The following COL19A1 variants were observed in gnomAD, a reference collection of about 807,000 sequenced individuals.
COL19A1 encodes collagen type XIX alpha 1 chain, also known as collagen alpha-1(XIX) chain.
Under a neutral mutation model 190.2 loss-of-function variants are expected in COL19A1, and 159 were observed. The observed-to-expected ratio is 0.84, with a 90% CI of 0.73 to 0.95. The LOEUF is 0.95. Ranked by LOEUF, COL19A1 falls within the 40% of genes least tolerant of loss-of-function variation. The probability of loss-of-function intolerance (pLI) is 0.00; values close to 1 mark genes in which losing one functional copy is unlikely to be tolerated. For missense variants in COL19A1, 1,418 were observed against 1,431.9 expected (o/e 0.99, Z 0.16); for synonymous variants, 509 against 458.9 (o/e 1.11, Z -1.39).
At chr6:69,903,451 T>C (rs562043960) in intron 4 of COL19A1, among the ~76,000 whole-genome samples, 5 of 152,274 alleles carry the variant, frequency 3.3e-5, no homozygotes, top group African/African-American at 1.2e-4. Context: ...GCACCTTCCC[T>C]ATCCAGGGGG....
intron 40 of COL19A1, 109 bp from the exon 41 acceptor site, chr6:70,171,855 A>G (rs1765520506): frequency 1.2e-6 from 1 of 840,368 alleles, no homozygotes; most frequent in Non-Finnish European, 2.0e-6. Flanking sequence ...TAAATTACAC[A>G]TCAATGTTTG....
intron 14 of COL19A1, 111 bp from the exon 15 acceptor site, chr6:70,068,312 A>C: frequency 1.3e-6 from 1 of 764,454 alleles, no homozygotes; most frequent in Non-Finnish European, 2.3e-6. Flanking sequence ...AGCTCAAATT[A>C]CTTTAAAAGT....
chr6:70,116,212 A>C (rs891609813), intron 16 of COL19A1, among the ~76,000 whole-genome samples: 1 of 152,154 alleles, frequency 6.6e-6, no homozygotes, highest in African/African-American at 2.4e-5. Context: ...GGTTAATCTA[A>C]ATCTGTTGGT....
At chr6:70,050,544 T>G (rs1195081003) in intron 14 of COL19A1, among the ~76,000 whole-genome samples, 1 of 152,062 alleles carries the variant, frequency 6.6e-6, no homozygotes, top group Non-Finnish European at 1.5e-5. Flanking sequence ...TCTTCATAGG[T>G]AGAGGAAACA....
At chr6:69,953,552 A>G (rs1299157330) in intron 9 of COL19A1, among the ~76,000 whole-genome samples, 1 of 152,010 alleles carries the variant, frequency 6.6e-6, no homozygotes, top group Non-Finnish European at 1.5e-5. Flanking sequence ...GGACAAAGTA[A>G]TAGAAGGACA....
chr6:69,947,169 T>G (rs1773871502), intron 9 of COL19A1, among the ~76,000 whole-genome samples: 1 of 151,878 alleles, frequency 6.6e-6, no homozygotes, highest in Non-Finnish European at 1.5e-5. Context: ...TGTCTTAATA[T>G]GTATTTCACT....
At chr6:70,182,900 C>T (rs944305749) in intron 44 of COL19A1, among the ~76,000 whole-genome samples, 12 of 152,068 alleles carry the variant, frequency 7.9e-5, no homozygotes, top group African/African-American at 2.9e-4. Context: ...GGAACAGGGG[C>T]AGTTCACCCT....
chr6:69,884,331 C>CT (rs1768766671), intron 2 of COL19A1, among the ~76,000 whole-genome samples: 1 of 142,806 alleles, frequency 7.0e-6, no homozygotes, highest in South Asian at 2.2e-4. Context: ...CAGAGCAAGA[C>CT]TTTGTCTCAA....
At chr6:69,937,808 TGGA>T (rs1773206534) in intron 8 of COL19A1, among the ~76,000 whole-genome samples, 1 of 152,160 alleles carries the variant, frequency 6.6e-6, no homozygotes, top group Non-Finnish European at 1.5e-5. Flanking sequence ...ATGGAAGGTC[TGGA>T]GGAGATGATG....
chr6:70,081,625 A>G (rs1782258720), intron 15 of COL19A1, among the ~76,000 whole-genome samples: 1 of 152,332 alleles, frequency 6.6e-6, no homozygotes, highest in East Asian at 1.9e-4. Flanking sequence ...AGGCTTAATG[A>G]CATGGCAAAA....
intron 37 of COL19A1, 48 bp downstream of exon 37, chr6:70,166,033 A>G (rs1334728949): frequency 6.8e-7 from 1 of 1,460,696 alleles, no homozygotes; most frequent in South Asian, 1.1e-5. Flanking sequence ...TTTACTTAAG[A>G]CTTTTATAAC....
chr6:70,028,401 A>G (rs1778841281), intron 12 of COL19A1, among the ~76,000 whole-genome samples: 1 of 152,188 alleles, frequency 6.6e-6, no homozygotes, highest in South Asian at 2.1e-4. Flanking sequence ...TGTTTTGCAG[A>G]TAAAGACTCC....
intron 27 of COL19A1, 23 bp downstream of exon 27, chr6:70,146,912 C>A (rs777321682): frequency 1.2e-5 from 18 of 1,539,074 alleles, no homozygotes; most frequent in Non-Finnish European, 1.6e-5. Flanking sequence ...CATTCGAGTC[C>A]TTGTTGATTC....
intron 15 of COL19A1, among the ~76,000 whole-genome samples, chr6:70,085,891 AT>A (rs1782556257): frequency 6.6e-6 from 1 of 152,184 alleles, no homozygotes. Context: ...CCCAATTTGT[AT>A]TTTGAAATTC....
At chr6:70,179,766 TCCA>T (rs1766046803) in intron 42 of COL19A1, among the ~76,000 whole-genome samples, 1 of 152,146 alleles carries the variant, frequency 6.6e-6, no homozygotes, top group African/African-American at 2.4e-5. Flanking sequence ...TCTCCTACTC[TCCA>T]CCATCCACAC....
At chr6:70,106,015 A>AT (rs1390442868) in intron 16 of COL19A1, among the ~76,000 whole-genome samples, 2 of 152,052 alleles carry the variant, frequency 1.3e-5, no homozygotes, top group South Asian at 4.2e-4. Context: ...AGGAGGCATG[A>AT]TTTTTTTATT....
At chr6:69,984,939 C>A (rs1336348279) in intron 11 of COL19A1, among the ~76,000 whole-genome samples, 3 of 151,994 alleles carry the variant, frequency 2.0e-5, no homozygotes, top group African/African-American at 4.8e-5. Context: ...ATAATTAATG[C>A]AAATGTAATA....
chr6:69,985,579 A>G (rs1776266464), intron 11 of COL19A1, among the ~76,000 whole-genome samples: 1 of 152,204 alleles, frequency 6.6e-6, no homozygotes, highest in Non-Finnish European at 1.5e-5. Context: ...AAAAAAAAGT[A>G]GCTGAGTATA....
At chr6:70,045,039 A>C (rs1779831614) in intron 14 of COL19A1, among the ~76,000 whole-genome samples, 1 of 152,094 alleles carries the variant, frequency 6.6e-6, no homozygotes, top group Non-Finnish European at 1.5e-5. Flanking sequence ...CTTTCCAGGC[A>C]CGGTGGCTCA....
Sources: allele counts gnomAD v4.1 joint callset (sites outside exome capture counted in the v4.1 genomes callset), GRCh38; gene constraint gnomAD v4.1.1; transcripts MANE v1.5; gene names NCBI Gene and HGNC (gene_info 2026-07-23, HGNC 2026-07-21).